TDRD3: variants seen among roughly 807,000 people sequenced by gnomAD.
TDRD3 encodes the protein tudor domain containing 3.
In TDRD3, 45 loss-of-function variants were observed where a neutral mutation model predicts 86.7. The observed-to-expected ratio is 0.52, with a 90% CI of 0.41 to 0.67. The LOEUF is 0.67. Among genes scored for constraint, TDRD3 ranks in the 30% least tolerant of loss-of-function variants. The pLI is 0.00. For synonymous variants in TDRD3, 298 were observed against 301.7 expected (o/e 0.99, Z 0.13); for missense variants, 814 against 889.0 (o/e 0.92, Z 1.07).
At chr13:60,403,134 ATTTT>A (rs11393806) in intron 1 of TDRD3, among the ~76,000 whole-genome samples, 1 of 146,154 alleles carries the variant, frequency 6.8e-6, no homozygotes, top group African/African-American at 2.5e-5. Context: ...GTTTGCAGTG[ATTTT>A]TTTTTTTTTT....
intron 4 of TDRD3, among the ~76,000 whole-genome samples, chr13:60,463,362 CAAAAAA>C (rs57195209): frequency 1.2e-5 from 1 of 81,538 alleles, no homozygotes; most frequent in African/African-American, 5.8e-5. Context: ...AATTCTGGCT[CAAAAAA>C]AAAAAAAAAA....
At chr13:60,451,303 A>G (rs1468564620) in intron 3 of TDRD3, among the ~76,000 whole-genome samples, 1 of 152,170 alleles carries the variant, frequency 6.6e-6, no homozygotes, top group Non-Finnish European at 1.5e-5. Context: ...CCTGTCAGTA[A>G]TAGTTGAAGT....
intron 12 of TDRD3, among the ~76,000 whole-genome samples, chr13:60,543,497 T>C: frequency 6.6e-6 from 1 of 152,194 alleles, no homozygotes; most frequent in East Asian, 1.9e-4. Flanking sequence ...CATGGAATTT[T>C]TTTTCCTGTA....
intron 5 of TDRD3, among the ~76,000 whole-genome samples, chr13:60,472,252 A>G (rs1432480431): frequency 6.6e-6 from 1 of 152,108 alleles, no homozygotes; most frequent in African/African-American, 2.4e-5. Flanking sequence ...TTTATATGGT[A>G]TGGGATTCTG....
chr13:60,554,770 G>C (rs766468717), intron 12 of TDRD3, among the ~76,000 whole-genome samples: 6 of 152,140 alleles, frequency 3.9e-5, no homozygotes, highest in Non-Finnish European at 8.8e-5. Context: ...ACACATATTT[G>C]ATATGATCAT....
chr13:60,450,719 G>A (rs879704689), intron 3 of TDRD3, among the ~76,000 whole-genome samples: 42 of 152,116 alleles, frequency 2.8e-4, no homozygotes, highest in African/African-American at 1.0e-3. Flanking sequence ...TGTCTTATTG[G>A]AGCACATAGC....
At chr13:60,573,253 A>T (rs1240438821) in intron 13 of TDRD3, among the ~76,000 whole-genome samples, 1 of 152,178 alleles carries the variant, frequency 6.6e-6, no homozygotes, top group Non-Finnish European at 1.5e-5. Flanking sequence ...GGCGGTTAGG[A>T]TAGGGAAAGA....
chr13:60,523,830 G>T (rs756847849), intron 10 of TDRD3, among the ~76,000 whole-genome samples: 2 of 152,006 alleles, frequency 1.3e-5, no homozygotes, highest in African/African-American at 2.4e-5. Context: ...ACCCACCTTG[G>T]CATCCCAAAG....
chr13:60,475,560 G>C (rs1208960908), intron 5 of TDRD3, among the ~76,000 whole-genome samples: 1 of 152,140 alleles, frequency 6.6e-6, no homozygotes, highest in African/African-American at 2.4e-5. Context: ...GAACAAACAA[G>C]TGCATGTGTC....
chr13:60,447,760 T>C (rs1310815530), intron 3 of TDRD3, among the ~76,000 whole-genome samples: 2 of 152,158 alleles, frequency 1.3e-5, no homozygotes, highest in African/African-American at 4.8e-5. Context: ...CATCTGATAT[T>C]ACCATTTCTG....
chr13:60,554,818 C>T (rs1001400155), intron 12 of TDRD3, among the ~76,000 whole-genome samples: 12 of 152,102 alleles, frequency 7.9e-5, no homozygotes, highest in Non-Finnish European at 1.5e-5. Context: ...AGATGATAAG[C>T]AAATTACTCT....
intron 12 of TDRD3, among the ~76,000 whole-genome samples, chr13:60,557,726 T>C (rs186339799): frequency 6.6e-6 from 1 of 151,956 alleles, no homozygotes; most frequent in African/African-American, 2.4e-5. Context: ...TTCTTATAAT[T>C]ATCTCTCCTA....
rs146258897 is a variant in TDRD3 at position 60,540,189 on chromosome 13, G to T, written c.2118+4956G>T. ...CCACACATATTTTGGGAAACTTTCA[G>T]AGATCACCATGTGAGCAGTGCTCAT... On this transcript the variant is annotated intron_variant, in intron 12 of 13. Coordinates refer to ENST00000377881, the MANE Select transcript of TDRD3 (RefSeq NM_001146070.2). Among the ~76,000 whole-genome samples, 938 of 152,234 alleles carry T rather than the reference G, an allele frequency of 6.2e-3. 14 individuals carry two copies. The highest frequency in any genetic ancestry group is 0.022 in the African/African-American group (901 of 41,548).
intron 13 of TDRD3, among the ~76,000 whole-genome samples, chr13:60,568,896 T>C (rs147278005): frequency 1.3e-3 from 198 of 152,302 alleles, no homozygotes; most frequent in Middle Eastern, 3.4e-3. Context: ...TTCAGTAAAG[T>C]TGCAGGATAC....
chr13:60,434,464 TAAAAAAAA>T (rs774279549), intron 1 of TDRD3, among the ~76,000 whole-genome samples: 4 of 130,780 alleles, frequency 3.1e-5, no homozygotes. Flanking sequence ...AGACCCTGTT[TAAAAAAAA>T]AAAAAAAAAA....
At chr13:60,539,092 C>T (rs553974291) in intron 12 of TDRD3, among the ~76,000 whole-genome samples, 2 of 152,220 alleles carry the variant, frequency 1.3e-5, no homozygotes, top group Admixed American at 1.3e-4. Flanking sequence ...TACACATCAT[C>T]TTGGCCAGTA....
chr13:60,543,175 A>G (rs1475071808), intron 12 of TDRD3, among the ~76,000 whole-genome samples: 1 of 152,234 alleles, frequency 6.6e-6, no homozygotes, highest in African/African-American at 2.4e-5. Context: ...TAAAAAACTC[A>G]TATAGTTTAA....
At chr13:60,423,483 T>TA (rs1954715867) in intron 1 of TDRD3, among the ~76,000 whole-genome samples, 1 of 152,174 alleles carries the variant, frequency 6.6e-6, no homozygotes, top group African/African-American at 2.4e-5. Flanking sequence ...TAAGAGAAAA[T>TA]ACTCATTTTC....
chr13:60,514,520 C>T (rs928975750), intron 10 of TDRD3, among the ~76,000 whole-genome samples: 13 of 152,068 alleles, frequency 8.5e-5, no homozygotes, highest in African/African-American at 3.1e-4. Flanking sequence ...GGGGAGGGCA[C>T]ACTGACAGAT....
Sources: gnomAD v4.1 joint callset for allele counts (sites outside exome capture counted in the v4.1 genomes callset) on GRCh38, gnomAD v4.1.1 for gene constraint, MANE v1.5 for transcripts, NCBI Gene and HGNC (gene_info 2026-07-23, HGNC 2026-07-21) for gene names.